RNF220: variants seen among roughly 807,000 people sequenced by gnomAD.
RNF220 encodes E3 ubiquitin-protein ligase RNF220.
In RNF220, 7 loss-of-function variants were observed where a neutral mutation model predicts 67.1. The observed-to-expected ratio is 0.10, with a 90% confidence interval of 0.06 to 0.20. The LOEUF is 0.20. Among genes scored for constraint, RNF220 ranks in the 10% least tolerant of loss-of-function variants. The pLI is 1.00. For missense variants in RNF220, 565 were observed against 740.3 expected, an observed-to-expected ratio of 0.76 and a Z score of 2.75; for synonymous variants, 270 against 283.2, an observed-to-expected ratio of 0.95 and a Z score of 0.47.
intron 2 of RNF220, among the ~76,000 whole-genome samples, chr1:44,466,231 C>CT (rs1334509200): frequency 6.6e-6 from 1 of 152,224 alleles, no homozygotes; most frequent in Non-Finnish European, 1.5e-5. Context: ...TAAGAAGCAA[C>CT]TCCTCATCCA....
At chr1:44,542,283 A>T (rs1025895817) in intron 2 of RNF220, among the ~76,000 whole-genome samples, 1 of 152,196 alleles carries the variant, frequency 6.6e-6, no homozygotes, top group Non-Finnish European at 1.5e-5. Context: ...AGTGGGCAGG[A>T]GCTGACCAAG....
rs761528324 is a variant in RNF220 at position 44,635,538 on chromosome 1, C to G, written c.950-7C>G. 14 of 1,613,216 alleles carry G rather than the reference C, an allele frequency of 8.7e-6. No homozygotes were observed. The highest frequency in any genetic ancestry group is 1.2e-5 in the Non-Finnish European group (14 of 1,179,626). ...TTCTGTGCTTTGTTTTCGGTTTCCC[C>G]GTGCAGCTCGGATTGGGAAAATGAA... On this transcript the variant is annotated splice_polypyrimidine_tract_variant and splice_region_variant and intron_variant, in intron 6 of 14. Coordinates refer to ENST00000361799, the MANE Select transcript of RNF220 (RefSeq NM_018150.4).
At chr1:44,475,761 C>G (rs1296495859) in intron 2 of RNF220, among the ~76,000 whole-genome samples, 4 of 145,296 alleles carry the variant, frequency 2.8e-5, no homozygotes, top group African/African-American at 1.1e-4. Flanking sequence ...CACCTGTAAT[C>G]CCAGCACTTT....
chr1:44,618,698 G>A (rs1643663146), intron 3 of RNF220, among the ~76,000 whole-genome samples: 1 of 152,156 alleles, frequency 6.6e-6, no homozygotes, highest in Non-Finnish European at 1.5e-5. Flanking sequence ...AGAGAGACAA[G>A]TGGGAGGGGC....
intron 2 of RNF220, among the ~76,000 whole-genome samples, chr1:44,496,931 C>T (rs1657395701): frequency 6.6e-6 from 1 of 152,180 alleles, no homozygotes; most frequent in South Asian, 2.1e-4. Context: ...TGTGGTCCTC[C>T]TCCAAACTCC....
At chr1:44,493,934 C>T (rs1013509769) in intron 2 of RNF220, among the ~76,000 whole-genome samples, 6 of 152,076 alleles carry the variant, frequency 3.9e-5, no homozygotes, top group African/African-American at 1.4e-4. Flanking sequence ...GGCCCAGGCA[C>T]GGTAGTTCAT....
intron 2 of RNF220, among the ~76,000 whole-genome samples, chr1:44,438,294 A>C (rs999085446): frequency 6.6e-6 from 1 of 151,926 alleles, no homozygotes; most frequent in Non-Finnish European, 1.5e-5. Context: ...CTAATTAAAA[A>C]AATTTTTTTG....
At chr1:44,564,875 G>A (rs1263730290) in intron 2 of RNF220, among the ~76,000 whole-genome samples, 4 of 152,068 alleles carry the variant, frequency 2.6e-5, no homozygotes, top group Non-Finnish European at 4.4e-5. Flanking sequence ...TGGTGGTGTC[G>A]TTCCCTTGCT....
chr1:44,649,363 G>A lies in RNF220; in HGVS notation c.1446-298G>A, dbSNP rs1644730292. The stretch of plus-strand genomic sequence containing the variant: ...CTCATGGTGGTGAGGAGAGATGCCG[G>A]AGATACTAGGAGAGATGACAGATTT... On this transcript the variant is annotated intron_variant, in intron 12 of 14. Transcript: ENST00000361799. The surrounding 1 kb of genome is among the most constrained non-coding windows in gnomAD (Gnocchi z 5.9). The A allele has an allele frequency of 2.2e-6, 1 of 444,514 alleles. No homozygotes were observed. The highest frequency in any genetic ancestry group is 4.1e-6 in the Non-Finnish European group (1 of 242,660). 27.5% of individuals were successfully genotyped at this position (444,514 alleles called of 1,614,324 possible).
At chr1:44,576,390 G>T (rs1300710948) in intron 2 of RNF220, among the ~76,000 whole-genome samples, 1 of 152,158 alleles carries the variant, frequency 6.6e-6, no homozygotes, top group Non-Finnish European at 1.5e-5. Flanking sequence ...TCCTTTCTCT[G>T]GGGCTCCTAA....
chr1:44,557,940 A>G (rs1374785338), intron 2 of RNF220, among the ~76,000 whole-genome samples: 1 of 152,224 alleles, frequency 6.6e-6, no homozygotes, highest in Non-Finnish European at 1.5e-5. Flanking sequence ...CGTCTTCTCC[A>G]GGGTGGGACA....
At chr1:44,644,848 A>G in intron 9 of RNF220, 54 bp downstream of exon 9, 1 of 1,549,548 alleles carries the variant, frequency 6.5e-7, no homozygotes, top group Non-Finnish European at 8.9e-7. Context: ...GGCACAGGGA[A>G]TAAGAAAAGT....
chr1:44,414,783 T>C (rs1340063888), intron 2 of RNF220, among the ~76,000 whole-genome samples: 1 of 152,062 alleles, frequency 6.6e-6, no homozygotes, highest in Non-Finnish European at 1.5e-5. Flanking sequence ...TTGGAGTCCC[T>C]TTCCTCTTTT....
rs182157361 is a variant in RNF220 at position 44,592,503 on chromosome 1, C to T, written c.626-21662C>T. Among the ~76,000 whole-genome samples, 142 of 152,280 alleles carry T rather than the reference C, an allele frequency of 9.3e-4. 2 individuals are homozygous for T. Among genetic ancestry groups the T allele is most frequent in the African/African-American group, 3.1e-3 (130 of 41,558 alleles). The stretch of plus-strand genomic sequence containing the variant: ...GTGCCTGGGGAAGGGCCAGGCCTTC[C>T]TGGGAGGAGGAACTCGAGAGCCTGT... On this transcript the variant is annotated intron_variant, in intron 2 of 14. Coordinates refer to ENST00000361799, the MANE Select transcript of RNF220 (RefSeq NM_018150.4).
intron 5 of RNF220, 189 bp from the exon 6 acceptor site, chr1:44,632,154 T>C (rs1052412779): frequency 4.5e-6 from 7 of 1,547,370 alleles, no homozygotes; most frequent in South Asian, 1.2e-5. Flanking sequence ...GCCCGGCGGC[T>C]ATGCCGAGAG....
At chr1:44,453,467 AT>A in intron 2 of RNF220, among the ~76,000 whole-genome samples, 1 of 152,058 alleles carries the variant, frequency 6.6e-6, no homozygotes, top group South Asian at 2.1e-4. Context: ...TACATTTTTT[AT>A]TTTGTTTTTT....
intron 2 of RNF220, among the ~76,000 whole-genome samples, chr1:44,609,602 C>T (rs1667519112): frequency 6.6e-6 from 1 of 152,148 alleles, no homozygotes; most frequent in African/African-American, 2.4e-5. Flanking sequence ...TTGCCTGTTC[C>T]CAATGGTCAA....
At chr1:44,530,927 C>T (rs1660790408) in intron 2 of RNF220, among the ~76,000 whole-genome samples, 1 of 152,136 alleles carries the variant, frequency 6.6e-6, no homozygotes, top group East Asian at 1.9e-4. Context: ...TGCGCCATTG[C>T]ACTCCAGCCT....
At chr1:44,445,698 A>G (rs1462578380) in intron 2 of RNF220, among the ~76,000 whole-genome samples, 1 of 152,034 alleles carries the variant, frequency 6.6e-6, no homozygotes, top group African/African-American at 2.4e-5. Flanking sequence ...AACCTTTACC[A>G]ACTCTCCTTC....
Sources: gnomAD v4.1 joint callset for allele counts (sites outside exome capture counted in the v4.1 genomes callset) on GRCh38, gnomAD v4.1.1 for gene constraint, Gnocchi (gnomAD v3.1) non-coding constraint, MANE v1.5 for transcripts, NCBI Gene and HGNC (gene_info 2026-07-23, HGNC 2026-07-21) for gene names.